TBC1D15: variants seen among roughly 807,000 people sequenced by gnomAD.
TBC1D15 encodes TBC1 domain family member 15.
A neutral mutation model predicts 95.4 loss-of-function variants in TBC1D15; 39 were observed. That is an observed-to-expected ratio of 0.41 (90% confidence interval 0.32 to 0.53). TBC1D15 has a LOEUF of 0.53. Among genes scored for constraint, TBC1D15 ranks in the 20% least tolerant of loss-of-function variants. TBC1D15 has a pLI of 0.29. For synonymous variants in TBC1D15, 258 were observed against 261.3 expected (o/e 0.99, Z 0.12); for missense variants, 733 against 794.3 (o/e 0.92, Z 0.93).
At chr12:71,870,047 A>C (rs1892330851) in intron 1 of TBC1D15, among the ~76,000 whole-genome samples, 1 of 152,152 alleles carries the variant, frequency 6.6e-6, no homozygotes, top group Non-Finnish European at 1.5e-5. Context: ...CACAGATAGA[A>C]ACTTCATAAA....
At chr12:71,850,578 A>AT (rs1246267430) in intron 1 of TBC1D15, 5 of 156,260 alleles carry the variant, frequency 3.2e-5, no homozygotes, top group South Asian at 1.9e-4. Context: ...ATGCCTGGCT[A>AT]TTTTTTTTGT....
intron 5 of TBC1D15, among the ~76,000 whole-genome samples, chr12:71,888,043 T>G (rs1157116131): frequency 6.6e-6 from 1 of 152,232 alleles, no homozygotes; most frequent in Non-Finnish European, 1.5e-5. Flanking sequence ...TTTCCTATCC[T>G]GGATGGGTTC....
At chr12:71,894,411 T>A in intron 6 of TBC1D15, 1 of 1,600,230 alleles carries the variant, frequency 6.2e-7, no homozygotes, top group South Asian at 1.1e-5. Flanking sequence ...GTATGCAGAT[T>A]GAGTGAAGCC....
chr12:71,860,110 T>C (rs1200002841), intron 1 of TBC1D15, among the ~76,000 whole-genome samples: 1 of 152,230 alleles, frequency 6.6e-6, no homozygotes, highest in Non-Finnish European at 1.5e-5. Flanking sequence ...CTTTAATTGG[T>C]CTGTGTATGT....
At chr12:71,909,872 A>G (rs1032972806) in intron 11 of TBC1D15, among the ~76,000 whole-genome samples, 1 of 152,152 alleles carries the variant, frequency 6.6e-6, no homozygotes, top group Non-Finnish European at 1.5e-5. Flanking sequence ...GCCAATTTAA[A>G]TATATTTAAT....
chr12:71,910,038 A>G (rs1360791040), intron 11 of TBC1D15, among the ~76,000 whole-genome samples: 1 of 152,056 alleles, frequency 6.6e-6, no homozygotes, highest in Non-Finnish European at 1.5e-5. Context: ...TAATTTTTGT[A>G]TAAGGTGTAA....
intron 5 of TBC1D15, among the ~76,000 whole-genome samples, chr12:71,891,083 T>C (rs1440280727): frequency 7.0e-6 from 1 of 143,184 alleles, no homozygotes; most frequent in South Asian, 2.1e-4. Flanking sequence ...ATTGTACCTT[T>C]CTATCTTTTA....
Position 71,895,961 on chromosome 12 carries a change from A to G in TBC1D15, c.870A>G (p.Glu290=). The change falls in exon 8 of 17, where the codon GAA becomes GAG. Residue 290 remains glutamate, a synonymous_variant. Transcript: ENST00000485960. ...FEVITRIDLG[E]RPVVQRREPV... is the part of the protein sequence containing the mutation. ...CTTATTTTTAGATTGATTTGGGGGA[A>G]CGCCCTGTTGTTCAAAGGAGAGAAC... is the stretch of plus-strand genomic sequence containing the variant. 1 of 1,612,278 alleles carries G rather than the reference A, an allele frequency of 6.2e-7. No individual in the cohort carries two copies. The highest frequency in any genetic ancestry group is 1.1e-5 in the South Asian group (1 of 90,956).
chr12:71,892,618 G>A (rs1292997323), intron 5 of TBC1D15, among the ~76,000 whole-genome samples: 1 of 151,830 alleles, frequency 6.6e-6, no homozygotes, highest in Non-Finnish European at 1.5e-5. Context: ...TAAAAACATA[G>A]TATTACCCAA....
In TBC1D15 at chr12:71,893,202, A is replaced by C. The variant is rs1484730427; in HGVS notation, c.555-20A>C. 2 of 1,519,588 alleles carry C rather than the reference A, an allele frequency of 1.3e-6. No individual in the cohort carries two copies. Among genetic ancestry groups the C allele is most frequent in the Non-Finnish European group, 1.8e-6 (2 of 1,113,452 alleles). The allele number at this position is 1,519,588 out of a possible 1,614,324, so 94.1% of individuals were successfully genotyped here. ...ATACAGTGTGTTAGTATTTTCTACAAATCCTCTTTTTTATTATAGATCTCC... is the reference window on the plus strand; with the variant it reads ...ATACAGTGTGTTAGTATTTTCTACACATCCTCTTTTTTATTATAGATCTCC... On this transcript the variant is annotated intron_variant, in intron 5 of 16. Transcript: ENST00000485960.
At chr12:71,868,240 CTTT>C (rs771782876) in intron 1 of TBC1D15, among the ~76,000 whole-genome samples, 2 of 132,374 alleles carry the variant, frequency 1.5e-5, no homozygotes. Context: ...GCAGCTTTGA[CTTT>C]TTTTTTTTTT....
intron 1 of TBC1D15, among the ~76,000 whole-genome samples, chr12:71,866,232 A>T (rs528181243): frequency 1.3e-5 from 2 of 152,246 alleles, no homozygotes; most frequent in African/African-American, 4.8e-5. Flanking sequence ...AGCAATACAC[A>T]TTCTGCCACA....
chr12:71,854,299 G>C (rs1888518678), intron 1 of TBC1D15, among the ~76,000 whole-genome samples: 1 of 152,080 alleles, frequency 6.6e-6, no homozygotes, highest in Non-Finnish European at 1.5e-5. Flanking sequence ...CTGGTGGGAG[G>C]TTAAATCCAG....
In TBC1D15 at chr12:71,861,888, A is replaced by G. The variant is rs565410780; in HGVS notation, c.31-10182A>G. Among the ~76,000 whole-genome samples the G allele has an allele frequency of 8.8e-5, 13 of 148,140 alleles. No homozygotes were observed. In the East Asian group the frequency reaches 2.2e-3, roughly 25 times the overall value. ...ATGGGTTTTGGTATGTTGTGTTTCT[A>G]TTTTTGTTTGTTTCAAGAAATTTAA... On this transcript the variant is annotated intron_variant, in intron 1 of 16. Transcript: ENST00000485960.
intron 5 of TBC1D15, among the ~76,000 whole-genome samples, chr12:71,887,872 T>C (rs1896538091): frequency 6.6e-6 from 1 of 152,248 alleles, no homozygotes; most frequent in Non-Finnish European, 1.5e-5. Flanking sequence ...TTCTGGTACA[T>C]AATAAATGTG....
At chr12:71,908,571 C>G (rs754117235) in intron 11 of TBC1D15, among the ~76,000 whole-genome samples, 16 of 152,112 alleles carry the variant, frequency 1.1e-4, no homozygotes, top group Non-Finnish European at 2.2e-4. Flanking sequence ...AAGATATAAT[C>G]TCTGTTTTGA....
chr12:71,895,967 T>A lies in TBC1D15; in HGVS notation c.876T>A (p.Pro292=). ...TTTAGATTGATTTGGGGGAACGCCC[T>A]GTTGTTCAAAGGAGAGAACCGGTAT... ...VITRIDLGER[P]VVQRREPVSL... Residue 292 remains proline, a synonymous_variant, in exon 8 of 17, where the codon CCT becomes CCA. Coordinates refer to ENST00000485960, the MANE Select transcript of TBC1D15 (RefSeq NM_001146213.3). 1 of 1,612,472 alleles carries A rather than the reference T, an allele frequency of 6.2e-7. No individual in the cohort carries two copies. The highest frequency in any genetic ancestry group is 1.1e-5 in the South Asian group (1 of 90,980).
At chr12:71,874,806 A>G (rs533231992) in intron 3 of TBC1D15, among the ~76,000 whole-genome samples, 146 of 151,878 alleles carry the variant, frequency 9.6e-4, no homozygotes, top group Non-Finnish European at 1.7e-3. Context: ...TATTTTTAGT[A>G]GAGATGGAGT....
At chr12:71,880,068 G>T (rs1894822608) in intron 3 of TBC1D15, among the ~76,000 whole-genome samples, 1 of 152,124 alleles carries the variant, frequency 6.6e-6, no homozygotes, top group South Asian at 2.1e-4. Flanking sequence ...CCACCATTGG[G>T]CTCTTTTCTT....
Sources: gnomAD v4.1 joint callset for allele counts (sites outside exome capture counted in the v4.1 genomes callset) on GRCh38, gnomAD v4.1.1 for gene constraint, MANE v1.5 for transcripts, NCBI Gene and HGNC (gene_info 2026-07-23, HGNC 2026-07-21) for gene names.